The following SUGCT variants were observed in gnomAD, a reference collection of about 807,000 sequenced individuals.
The protein encoded by SUGCT is succinyl-CoA:glutarate-CoA transferase.
SUGCT carries 41 observed loss-of-function variants against 55.0 expected under a neutral mutation model. That is an observed-to-expected ratio of 0.74 (90% CI 0.58 to 0.97). The LOEUF (loss-of-function observed/expected upper bound fraction) is 0.97. SUGCT is among the 50% of genes least tolerant of loss of function. The probability of loss-of-function intolerance (pLI) is 0.00; values close to 1 mark genes in which losing one functional copy is unlikely to be tolerated. For missense variants in SUGCT, 568 were observed against 547.8 expected, an observed-to-expected ratio of 1.04 and a Z score of -0.37; for synonymous variants, 187 against 200.4, an observed-to-expected ratio of 0.93 and a Z score of 0.56.
intron 12 of SUGCT, among the ~76,000 whole-genome samples, chr7:40,560,499 G>C (rs994869232): frequency 4.6e-5 from 7 of 152,166 alleles, no homozygotes; most frequent in African/African-American, 1.7e-4. Flanking sequence ...AACACTGTCA[G>C]AGCATACTCC....
intron 9 of SUGCT, among the ~76,000 whole-genome samples, chr7:40,332,438 A>G (rs1376203411): frequency 9.6e-6 from 1 of 104,202 alleles, no homozygotes. Flanking sequence ...TGGAATCTGC[A>G]TTGGATTTTT....
At position 40,193,287 on chromosome 7, in the gene SUGCT, T is replaced by G. The variant is rs1420798351; in HGVS notation, c.364-1653T>G. Among the ~76,000 whole-genome samples the G allele has an allele frequency of 2.2e-5, 3 of 138,920 alleles. 1 individual carries two copies. Among genetic ancestry groups the G allele is most frequent in the South Asian group, 5.0e-4 (2 of 4,008 alleles). The allele number at this position is 138,920 out of a possible 152,430, so 91.1% of individuals were successfully genotyped here. On this transcript the variant is annotated intron_variant, in intron 5 of 13. Coordinates refer to ENST00000335693, the MANE Select transcript of SUGCT (RefSeq NM_001193313.2). Reference sequence around the variant, plus strand: ...GGCCTGGCCAATTACTGTGTTTTTTTTTTTTTTTTTTTTTTGAGATGGAGT... The same window carrying G: ...GGCCTGGCCAATTACTGTGTTTTTTGTTTTTTTTTTTTTTTGAGATGGAGT...
intron 11 of SUGCT, among the ~76,000 whole-genome samples, chr7:40,487,836 C>T (rs939101278): frequency 3.9e-5 from 6 of 152,000 alleles, no homozygotes; most frequent in South Asian, 2.1e-4. Context: ...TGCTTTCTTT[C>T]GGTTTTCAGT....
chr7:40,284,608 CAAA>C (rs35152488), intron 8 of SUGCT, among the ~76,000 whole-genome samples: 4 of 108,194 alleles, frequency 3.7e-5, no homozygotes, highest in Admixed American at 9.9e-5. Flanking sequence ...ATTCCATTTC[CAAA>C]AAAAAAAAAA....
intron 12 of SUGCT, among the ~76,000 whole-genome samples, chr7:40,600,043 C>T (rs1798214739): frequency 6.6e-6 from 1 of 152,208 alleles, no homozygotes; most frequent in Admixed American, 6.5e-5. Context: ...AGAAACATTT[C>T]TTGTGCCCGT....
At chr7:40,548,090 C>A (rs1795090042) in intron 12 of SUGCT, among the ~76,000 whole-genome samples, 1 of 151,806 alleles carries the variant, frequency 6.6e-6, no homozygotes, top group African/African-American at 2.4e-5. Context: ...CATTTAGTGA[C>A]CTCAGTTTTA....
At chr7:40,258,410 A>T (rs546184925) in intron 7 of SUGCT, among the ~76,000 whole-genome samples, 52 of 152,152 alleles carry the variant, frequency 3.4e-4, no homozygotes, top group African/African-American at 1.2e-3. Flanking sequence ...ACGGAGTCTT[A>T]CTCTGTTGCC....
chr7:40,852,721 A>G lies in SUGCT; in HGVS notation c.1154-7595A>G, dbSNP rs1338579482. Among the ~76,000 whole-genome samples, 3 of 151,788 alleles carry G rather than the reference A, an allele frequency of 2.0e-5. No homozygotes were observed. The East Asian group carries it at 5.8e-4, about 29-fold the overall frequency. On this transcript the variant is annotated intron_variant, in intron 13 of 13. Coordinates refer to ENST00000335693, the MANE Select transcript of SUGCT (RefSeq NM_001193313.2). ...TCCGACTTAGCTTAAGGATCATCTA[A>G]TCAGCTTGGCCTCCTCTGCACGTCC...
the SUGCT span, among the ~76,000 whole-genome samples, chr7:40,873,424 T>C: frequency 6.6e-6 from 1 of 152,192 alleles, no homozygotes; most frequent in Non-Finnish European, 1.5e-5. Flanking sequence ...CAACCAGACT[T>C]CTGCACTGGT....
At chr7:40,382,161 T>A (rs1026701598) in intron 9 of SUGCT, among the ~76,000 whole-genome samples, 1 of 152,132 alleles carries the variant, frequency 6.6e-6, no homozygotes, top group Non-Finnish European at 1.5e-5. Flanking sequence ...TTTTCATATG[T>A]CCCTGTGTAG....
At chr7:40,946,422 A>G in the SUGCT span, among the ~76,000 whole-genome samples, 2 of 152,272 alleles carry the variant, frequency 1.3e-5, no homozygotes, top group South Asian at 4.1e-4. Context: ...TTCTCTAGCC[A>G]CTGGGGTAAT....
At chr7:40,400,722 G>A (rs991327617) in intron 9 of SUGCT, among the ~76,000 whole-genome samples, 1 of 152,154 alleles carries the variant, frequency 6.6e-6, no homozygotes, top group African/African-American at 2.4e-5. Flanking sequence ...TTTTGCTGAT[G>A]TGTTGGATTT....
chr7:40,849,840 C>T lies in SUGCT; in HGVS notation c.1154-10476C>T, dbSNP rs547137913. ...CTTGTGCTTTGACTCAGGTAACTTT[C>T]GACAGAGGAGATAGTGAAGGCTTCA... is the stretch of plus-strand genomic sequence containing the variant. On this transcript the variant is annotated intron_variant, in intron 13 of 13. Transcript: ENST00000335693. 5.3e-5 allele frequency among the ~76,000 whole-genome samples: 8 copies of T among 152,008 alleles called. No homozygotes were observed. The South Asian group carries it at 8.4e-4, about 16-fold the overall frequency.
At chr7:40,229,917 A>G (rs577473805) in intron 6 of SUGCT, among the ~76,000 whole-genome samples, 1 of 152,234 alleles carries the variant, frequency 6.6e-6, no homozygotes, top group East Asian at 1.9e-4. Flanking sequence ...GAATCCAGGT[A>G]TGTATGTACA....
At chr7:41,010,504 G>A in the SUGCT span, among the ~76,000 whole-genome samples, 1 of 152,224 alleles carries the variant, frequency 6.6e-6, no homozygotes, top group African/African-American at 2.4e-5. Flanking sequence ...TCAGGCAGAG[G>A]CCTTGAAGCG....
chr7:40,627,517 C>A (rs1003476695), intron 12 of SUGCT, among the ~76,000 whole-genome samples: 2 of 152,108 alleles, frequency 1.3e-5, no homozygotes, highest in Non-Finnish European at 2.9e-5. Context: ...AATGAAGTTA[C>A]AAAGTTGCAC....
At chr7:40,591,779 A>G (rs1797733394) in intron 12 of SUGCT, among the ~76,000 whole-genome samples, 1 of 152,244 alleles carries the variant, frequency 6.6e-6, no homozygotes, top group Non-Finnish European at 1.5e-5. Context: ...CTGATGGAAC[A>G]GATGATTGTT....
At chr7:40,461,081 GTCTCTTCTAGCACGTC>G (rs1171601970) in intron 11 of SUGCT, among the ~76,000 whole-genome samples, 12 of 152,126 alleles carry the variant, frequency 7.9e-5, no homozygotes, top group Non-Finnish European at 1.6e-4. Flanking sequence ...AGTTCTCCAA[GTCTCTTCTAGCACGTC>G]TCTCTTCCTC....
the SUGCT span, among the ~76,000 whole-genome samples, chr7:41,013,573 G>A: frequency 6.6e-6 from 1 of 152,110 alleles, no homozygotes; most frequent in Non-Finnish European, 1.5e-5. Context: ...TAAGTGCGCA[G>A]GTGTCTGTGT....
Sources: gnomAD v4.1 joint callset for allele counts (sites outside exome capture counted in the v4.1 genomes callset) on GRCh38, gnomAD v4.1.1 for gene constraint, MANE v1.5 for transcripts, NCBI Gene and HGNC (gene_info 2026-07-23, HGNC 2026-07-21) for gene names.